The following DISP1 variants were observed in gnomAD, a reference collection of about 807,000 sequenced individuals.
DISP1 encodes the protein protein dispatched homolog 1.
DISP1 carries 30 observed loss-of-function variants against 37.3 expected under a neutral mutation model. The ratio of observed to expected loss-of-function variants is 0.80; its 90% CI spans 0.60 to 1.09. The LOEUF is 1.09. Ranked by LOEUF, DISP1 falls within the 50% of genes least tolerant of loss-of-function variation. The probability of loss-of-function intolerance (pLI) is 0.00; values close to 1 mark genes in which losing one functional copy is unlikely to be tolerated. For missense variants in DISP1, 1,598 were observed against 1,879.5 expected (o/e 0.85, Z 2.77); for synonymous variants, 634 against 690.2 (o/e 0.92, Z 1.28).
intron 1 of DISP1, among the ~76,000 whole-genome samples, chr1:222,880,634 G>A (rs1670221680): frequency 6.6e-6 from 1 of 152,144 alleles, no homozygotes; most frequent in Admixed American, 6.5e-5. Context: ...AAAAATTTAG[G>A]TCTTTCAAAG....
intron 8 of DISP1, among the ~76,000 whole-genome samples, chr1:222,995,681 T>G (rs990653880): frequency 6.6e-6 from 1 of 152,218 alleles, no homozygotes; most frequent in Non-Finnish European, 1.5e-5. Context: ...TGTTCAGAGA[T>G]AGTTTCTCTA....
intron 1 of DISP1, chr1:222,836,893 T>C: frequency 2.6e-6 from 1 of 391,752 alleles, no homozygotes; most frequent in Non-Finnish European, 4.5e-6. Flanking sequence ...GGTAAATAAC[T>C]CTGATTTTCA....
chr1:222,957,839 C>T (rs747446447), intron 3 of DISP1, among the ~76,000 whole-genome samples: 1 of 152,126 alleles, frequency 6.6e-6, no homozygotes, highest in Admixed American at 6.5e-5. Flanking sequence ...TACTTAGGAC[C>T]AGGCTATAGT....
intron 1 of DISP1, among the ~76,000 whole-genome samples, chr1:222,839,271 A>T (rs1310465941): frequency 6.6e-6 from 1 of 152,176 alleles, no homozygotes; most frequent in Non-Finnish European, 1.5e-5. Context: ...CATACAAGGC[A>T]TCTAGGTTGC....
chr1:222,960,484 C>T (rs1021482070), intron 3 of DISP1, among the ~76,000 whole-genome samples: 1 of 152,090 alleles, frequency 6.6e-6, no homozygotes, highest in Non-Finnish European at 1.5e-5. Context: ...TTAAGAGGGA[C>T]ATTTATAGCA....
At position 222,983,025 on chromosome 1, in the gene DISP1, G is replaced by A. The variant is rs115369043; in HGVS notation, c.510-55G>A. 2,458 of 1,307,406 alleles carry A rather than the reference G, an allele frequency of 1.9e-3. 38 individuals are homozygous for A. The African/African-American group carries it at 0.03, about 16-fold the overall frequency. 81.0% of individuals were successfully genotyped at this position (1,307,406 alleles called of 1,614,324 possible). ...TATGTAAAGCCTTTGTTTATGTTAT[G>A]ATGTTTATGATGCTCTGTTTTTGAT... On this transcript the variant is annotated intron_variant, in intron 3 of 8. Transcript: ENST00000675850.
At chr1:222,886,954 A>G (rs769687176) in intron 1 of DISP1, among the ~76,000 whole-genome samples, 5 of 152,146 alleles carry the variant, frequency 3.3e-5, no homozygotes, top group Non-Finnish European at 7.4e-5. Flanking sequence ...ATCTCTCAGA[A>G]TTTTTTGGGC....
intron 3 of DISP1, among the ~76,000 whole-genome samples, chr1:222,951,125 C>T (rs1424907167): frequency 6.6e-6 from 1 of 152,092 alleles, no homozygotes; most frequent in Non-Finnish European, 1.5e-5. Flanking sequence ...TAGAGCTATA[C>T]AGAGTTAAGA....
At chr1:222,953,135 G>A (rs61840891) in intron 3 of DISP1, among the ~76,000 whole-genome samples, 17,562 of 152,154 alleles carry the variant, frequency 0.12, 1,054 homozygotes, top group East Asian at 0.27. Flanking sequence ...TTGCTACATT[G>A]TAATTTATTT....
intron 1 of DISP1, among the ~76,000 whole-genome samples, chr1:222,909,506 A>G (rs1672093642): frequency 6.6e-6 from 1 of 152,198 alleles, no homozygotes; most frequent in South Asian, 2.1e-4. Context: ...TGAACTTATC[A>G]TGTAAAAATT....
intron 1 of DISP1, among the ~76,000 whole-genome samples, chr1:222,832,061 C>G (rs560857680): frequency 1.3e-5 from 2 of 152,126 alleles, no homozygotes; most frequent in South Asian, 4.2e-4. Flanking sequence ...GAGTGGATTA[C>G]TTGAGGTCAG....
intron 3 of DISP1, among the ~76,000 whole-genome samples, chr1:222,955,934 T>A (rs1675562111): frequency 6.6e-6 from 1 of 152,194 alleles, no homozygotes; most frequent in Non-Finnish European, 1.5e-5. Context: ...TTCAGTGAAA[T>A]CAGTTTGTTT....
chr1:222,964,308 A>AC (rs2102608927), intron 3 of DISP1, among the ~76,000 whole-genome samples: 1 of 151,502 alleles, frequency 6.6e-6, no homozygotes, highest in East Asian at 2.0e-4. Context: ...AAAAAAAAAA[A>AC]AAAAGTGTTT....
intron 1 of DISP1, among the ~76,000 whole-genome samples, chr1:222,910,414 A>G (rs1390319537): frequency 1.3e-5 from 2 of 152,200 alleles, no homozygotes; most frequent in Admixed American, 6.5e-5. Flanking sequence ...ACATTTTAAC[A>G]TATGTGGAAT....
intron 1 of DISP1, among the ~76,000 whole-genome samples, chr1:222,850,243 C>G (rs568911231): frequency 6.6e-6 from 1 of 152,240 alleles, no homozygotes; most frequent in South Asian, 2.1e-4. Context: ...CCATTTTTCT[C>G]TCTTTTGCTA....
At chr1:223,000,117 C>T (rs551983126) in intron 8 of DISP1, among the ~76,000 whole-genome samples, 15 of 152,290 alleles carry the variant, frequency 9.8e-5, no homozygotes, top group African/African-American at 3.6e-4. Flanking sequence ...TGTCCTTTAT[C>T]TTTGGCATTT....
intron 1 of DISP1, among the ~76,000 whole-genome samples, chr1:222,898,049 T>C (rs1283488866): frequency 2.6e-5 from 4 of 152,206 alleles, no homozygotes; most frequent in African/African-American, 9.6e-5. Context: ...TGATATTCAC[T>C]AGTCATGTTC....
At chr1:222,858,880 G>A (rs967449884) in intron 1 of DISP1, among the ~76,000 whole-genome samples, 2 of 152,174 alleles carry the variant, frequency 1.3e-5, no homozygotes, top group Non-Finnish European at 2.9e-5. Flanking sequence ...TTACACTGTT[G>A]GTGGGAATGT....
intron 1 of DISP1, among the ~76,000 whole-genome samples, chr1:222,907,958 A>C (rs1671996338): frequency 6.6e-6 from 1 of 152,106 alleles, no homozygotes; most frequent in African/African-American, 2.4e-5. Flanking sequence ...CAAAATAAAT[A>C]AATAAAATAA....
Sources: gnomAD v4.1 joint callset for allele counts (sites outside exome capture counted in the v4.1 genomes callset) on GRCh38, gnomAD v4.1.1 for gene constraint, MANE v1.5 for transcripts, NCBI Gene and HGNC (gene_info 2026-07-23, HGNC 2026-07-21) for gene names.